ADARB1: variants seen among roughly 807,000 people sequenced by gnomAD.
ADARB1 encodes the protein double-stranded RNA-specific editase 1.
A neutral mutation model predicts 52.4 loss-of-function variants in ADARB1; 10 were observed. The observed-to-expected ratio is 0.19, with a 90% CI of 0.12 to 0.32. The LOEUF is 0.32. Ranked by LOEUF, ADARB1 falls within the 10% of genes least tolerant of loss-of-function variation. The probability of loss-of-function intolerance (pLI) is 1.00; values close to 1 mark genes in which losing one functional copy is unlikely to be tolerated. For missense variants in ADARB1, 643 were observed against 922.3 expected (o/e 0.70, Z 3.92); for synonymous variants, 349 against 371.1 (o/e 0.94, Z 0.68).
At chr21:45,182,259 T>A (rs1360737546) in intron 5 of ADARB1, among the ~76,000 whole-genome samples, 1 of 152,186 alleles carries the variant, frequency 6.6e-6, no homozygotes. Context: ...TGCCCAGCTG[T>A]GTTCTAGTTG....
At chr21:45,113,796 C>G (rs1569020994) in intron 1 of ADARB1, among the ~76,000 whole-genome samples, 2 of 152,260 alleles carry the variant, frequency 1.3e-5, no homozygotes, top group East Asian at 3.9e-4. Context: ...CCCAGTGACC[C>G]CTCTTGGACA....
In ADARB1 at chr21:45,214,602, T is replaced by C. The variant is rs2092828038; in HGVS notation, c.1748-6234T>C. ...AGTTCATTTTTTGGCATGTAAGATATCCAGTTGATTTAGCACCATTTAGTG... is the reference window on the plus strand; with the variant it reads ...AGTTCATTTTTTGGCATGTAAGATACCCAGTTGATTTAGCACCATTTAGTG... On this transcript the variant is annotated intron_variant, in intron 9 of 10. Transcript: ENST00000348831. Among the ~76,000 whole-genome samples the C allele has an allele frequency of 2.0e-5, 3 of 152,208 alleles. No individual in the cohort carries two copies. In the South Asian group the frequency reaches 6.2e-4, roughly 32 times the overall value.
chr21:45,225,365 T>G lies in ADARB1; in HGVS notation c.*3168T>G. ...GTCTTAATTTAACTTTTCATCATCT[T>G]TTCCTATTTTGGAGAATTTTTTGTA... On this transcript the variant is annotated 3_prime_UTR_variant, in exon 11 of 11. Coordinates refer to ENST00000348831, the MANE Select transcript of ADARB1 (RefSeq NM_001112.4). 1 of 1,245,150 alleles carries G rather than the reference T, an allele frequency of 8.0e-7. No individual in the cohort carries two copies. Among genetic ancestry groups the G allele is most frequent in the African/African-American group, 1.5e-5 (1 of 65,052 alleles). The allele number at this position is 1,245,150 out of a possible 1,614,324, so 77.1% of individuals were successfully genotyped here. A position where few individuals can be genotyped will look rare whatever the true frequency, so the allele number is the denominator to read the frequency against.
Position 45,175,846 on chromosome 21 carries a change from C to G in ADARB1, c.145C>G (p.Pro49Ala). 6.2e-7 allele frequency: 1 copy of G among 1,613,900 alleles called. No homozygotes were observed. The highest frequency in any genetic ancestry group is 8.5e-7 in the Non-Finnish European group (1 of 1,179,936). Residue 49 changes from proline (P) to alanine (A), a missense_variant, in exon 4 of 11, where the codon CCC becomes GCC. Pro to Ala is a conservative substitution (Grantham distance 27). Coordinates refer to ENST00000348831, the MANE Select transcript of ADARB1 (RefSeq NM_001112.4). ...GCTCTCCAATGGGGGTGGTGGTGGC[C>G]CCGGCAGAAAGCGGCCCCTGGAGGA... ...SQLSNGGGGGPGRKRPLEEGS... is the reference protein window; with the variant it reads ...SQLSNGGGGGAGRKRPLEEGS...
Position 45,226,546 on chromosome 21 carries a change from G to A in ADARB1, c.*4349G>A, listed in dbSNP as rs911131548. 8 of 152,618 alleles carry A rather than the reference G, an allele frequency of 5.2e-5. No individual in the cohort carries two copies. Among genetic ancestry groups the A allele is most frequent in the African/African-American group, 1.9e-4 (8 of 41,436 alleles). 9.5% of individuals were successfully genotyped at this position (152,618 alleles called of 1,614,324 possible). A position where few individuals can be genotyped will look rare whatever the true frequency, so the allele number is the denominator to read the frequency against. ...GGATTTGAGATGTTCTCAATAAAAA[G>A]AAAATGTTTCACTACTCTGGTGTTG... On this transcript the variant is annotated 3_prime_UTR_variant, in exon 11 of 11. Transcript: ENST00000348831.
intron 4 of ADARB1, among the ~76,000 whole-genome samples, chr21:45,180,116 G>A (rs971527044): frequency 6.6e-6 from 1 of 152,250 alleles, no homozygotes; most frequent in Admixed American, 6.5e-5. Flanking sequence ...GAAGGACTCA[G>A]CCAGAGCCTG....
intron 2 of ADARB1, among the ~76,000 whole-genome samples, chr21:45,150,063 C>T (rs1418783316): frequency 6.6e-6 from 1 of 152,224 alleles, no homozygotes; most frequent in Non-Finnish European, 1.5e-5. Context: ...GAGGGCGGTT[C>T]ACCTGAGGTC....
intron 1 of ADARB1, among the ~76,000 whole-genome samples, chr21:45,091,525 A>G (rs1273331755): frequency 4.6e-5 from 7 of 152,140 alleles, no homozygotes; most frequent in Admixed American, 1.3e-4. Flanking sequence ...ATAGTTCTGG[A>G]CATCATGAGA....
intron 2 of ADARB1, among the ~76,000 whole-genome samples, chr21:45,136,131 G>A (rs761435857): frequency 1.3e-4 from 20 of 152,060 alleles, no homozygotes; most frequent in Non-Finnish European, 2.8e-4. Flanking sequence ...GGAGGACCAC[G>A]AACTCCCTCC....
At chr21:45,076,944 A>C (rs1186315522) in intron 1 of ADARB1, among the ~76,000 whole-genome samples, 1 of 152,226 alleles carries the variant, frequency 6.6e-6, no homozygotes, top group East Asian at 1.9e-4. Flanking sequence ...TGATAGATTT[A>C]AAAAGATAAG....
chr21:45,177,833 A>G (rs896764254), intron 4 of ADARB1, among the ~76,000 whole-genome samples: 3 of 152,182 alleles, frequency 2.0e-5, no homozygotes, highest in Admixed American at 1.3e-4. Context: ...GCCTAAAGGA[A>G]TCAAATGCAA....
Position 45,176,453 on chromosome 21 carries a change from T to C in ADARB1, c.752T>C (p.Phe251Ser). 6.2e-7 allele frequency: 1 copy of C among 1,614,140 alleles called. No individual in the cohort carries two copies. ...CTGCGCCCAGGACTCAAGTATGACTTCCTCTCCGAGAGCGGGGAGAGCCAT... is the reference window on the plus strand; with the variant it reads ...CTGCGCCCAGGACTCAAGTATGACTCCCTCTCCGAGAGCGGGGAGAGCCAT... ...NELRPGLKYD[F>S]LSESGESHAK... Residue 251 changes from phenylalanine (F) to serine (S), a missense_variant, in exon 4 of 11, where the codon TTC becomes TCC. This residue lies in a region of ADARB1 where 380 missense variants were observed against 446.5 expected (regional missense o/e 0.85). Coordinates refer to ENST00000348831, the MANE Select transcript of ADARB1 (RefSeq NM_001112.4). The surrounding 1 kb of genome is among the most constrained non-coding windows in gnomAD (Gnocchi z 5.8).
intron 1 of ADARB1, among the ~76,000 whole-genome samples, chr21:45,123,564 C>G (rs549972270): frequency 2.8e-4 from 43 of 152,326 alleles, no homozygotes; most frequent in Non-Finnish European, 5.4e-4. Context: ...CTCTGTCTCC[C>G]AAAGTGCTGG....
At position 45,223,670 on chromosome 21, in the gene ADARB1, G is replaced by C. The variant is rs2093004645; in HGVS notation, c.*1473G>C. On this transcript the variant is annotated 3_prime_UTR_variant, in exon 11 of 11. Transcript: ENST00000348831. The stretch of plus-strand genomic sequence containing the variant: ...CGAAATCCAGGGTGTTGGCACCTGT[G>C]TGTCCGTGATGAGCCTAGGAAACCA... 4 of 985,580 alleles carry C rather than the reference G, an allele frequency of 4.1e-6. No individual in the cohort carries two copies. The highest frequency in any genetic ancestry group is 4.8e-6 in the Non-Finnish European group (4 of 830,094). The allele number at this position is 985,580 out of a possible 1,614,324, so 61.1% of individuals were successfully genotyped here. A position where few individuals can be genotyped will look rare whatever the true frequency, so the allele number is the denominator to read the frequency against.
rs2092531778 is a variant in ADARB1, at chr21:45,200,589, G to A, written c.1566-3966G>A. 6.6e-6 allele frequency among the ~76,000 whole-genome samples: 1 copy of A among 152,194 alleles called. No individual in the cohort carries two copies. Reference sequence around the variant, plus strand: ...GGAAGGGGGATGGCTTTATTGTAGGGAAAGGGGGAGGCTTTGGGTATGTTC... The same window carrying A: ...GGAAGGGGGATGGCTTTATTGTAGGAAAAGGGGGAGGCTTTGGGTATGTTC... On this transcript the variant is annotated intron_variant, in intron 8 of 10. Coordinates refer to ENST00000348831, the MANE Select transcript of ADARB1 (RefSeq NM_001112.4). This position sits in a 1 kb window ranked among gnomAD's most constrained non-coding sequence, Gnocchi z 5.0.
At chr21:45,119,034 G>T (rs2087992372) in intron 1 of ADARB1, among the ~76,000 whole-genome samples, 1 of 152,132 alleles carries the variant, frequency 6.6e-6, no homozygotes. Flanking sequence ...ACAGAGCTCT[G>T]GGAAGAATGG....
chr21:45,091,820 CG>C (rs1568998843), intron 1 of ADARB1, among the ~76,000 whole-genome samples: 3 of 152,160 alleles, frequency 2.0e-5, no homozygotes, highest in African/African-American at 2.4e-5. Context: ...CGAGTTTAAC[CG>C]TGGGCTAGGC....
rs865885198 is a variant in ADARB1 at position 45,224,402 on chromosome 21, C to T, written c.*2205C>T. ...AGGTGGCACCTTTCCGGGGTGGACT[C>T]GTGCGGCCTTGAGGACAGGCACAGG... On this transcript the variant is annotated 3_prime_UTR_variant, in exon 11 of 11. Transcript: ENST00000348831. 23 of 980,936 alleles carry T rather than the reference C, an allele frequency of 2.3e-5. No homozygotes were observed. The Admixed American group carries it at 5.8e-4, about 25-fold the overall frequency. The allele number at this position is 980,936 out of a possible 1,614,324, so 60.8% of individuals were successfully genotyped here. A position where few individuals can be genotyped will look rare whatever the true frequency, so the allele number is the denominator to read the frequency against.
At chr21:45,129,882 T>C (rs1355132555) in intron 2 of ADARB1, among the ~76,000 whole-genome samples, 2 of 152,184 alleles carry the variant, frequency 1.3e-5, no homozygotes, top group African/African-American at 4.8e-5. Flanking sequence ...TGTCTGTAAA[T>C]GTCAGGAATT....
Sources: gnomAD v4.1 joint callset for allele counts (sites outside exome capture counted in the v4.1 genomes callset) on GRCh38, gnomAD v4.1.1 for gene constraint, gnomAD v4.1.1 regional missense constraint, Gnocchi (gnomAD v3.1) non-coding constraint, MANE v1.5 for transcripts, NCBI Gene and HGNC (gene_info 2026-07-23, HGNC 2026-07-21) for gene names.